The following ASCC3 variants were observed in gnomAD, a reference collection of about 807,000 sequenced individuals.
ASCC3 encodes the protein ASC-1 complex subunit P200.
A neutral mutation model predicts 256.3 loss-of-function variants in ASCC3; 158 were observed. The ratio of observed to expected loss-of-function variants is 0.62; its 90% CI spans 0.54 to 0.70. The LOEUF (loss-of-function observed/expected upper bound fraction) is 0.70, where lower values mean the gene tolerates loss of function less well. Ranked by LOEUF, ASCC3 falls within the 30% of genes least tolerant of loss-of-function variation. The pLI is 0.00. For synonymous variants in ASCC3, 948 were observed against 883.4 expected (o/e 1.07, Z -1.30); for missense variants, 2,259 against 2,626.0 (o/e 0.86, Z 3.05).
chr6:100,877,205 A>G (rs1774043272), intron 1 of ASCC3, among the ~76,000 whole-genome samples: 1 of 152,166 alleles, frequency 6.6e-6, no homozygotes, highest in African/African-American at 2.4e-5. Flanking sequence ...GTCAGCACTT[A>G]GTTACTGGCA....
intron 30 of ASCC3, among the ~76,000 whole-genome samples, chr6:100,623,834 C>T (rs914238427): frequency 6.6e-6 from 1 of 151,954 alleles, no homozygotes; most frequent in Non-Finnish European, 1.5e-5. Flanking sequence ...TACTAACAAA[C>T]TGGATTACAT....
intron 8 of ASCC3, among the ~76,000 whole-genome samples, chr6:100,789,789 G>C (rs1562298034): frequency 6.6e-6 from 1 of 151,896 alleles, no homozygotes; most frequent in Non-Finnish European, 1.5e-5. Context: ...AACAAAACAT[G>C]ATATTGTACC....
intron 36 of ASCC3, among the ~76,000 whole-genome samples, chr6:100,551,466 A>T (rs1769296070): frequency 7.9e-5 from 12 of 151,974 alleles, no homozygotes; most frequent in Admixed American, 7.9e-4. Flanking sequence ...AGGAGGGAAG[A>T]TAGGTTAAGA....
chr6:100,680,618 T>A (rs1777249751), intron 13 of ASCC3, among the ~76,000 whole-genome samples: 1 of 152,206 alleles, frequency 6.6e-6, no homozygotes, highest in Non-Finnish European at 1.5e-5. Context: ...TTTACATTGT[T>A]AACAATCTGG....
intron 36 of ASCC3, among the ~76,000 whole-genome samples, chr6:100,561,674 T>A (rs140190823): frequency 1.6e-3 from 243 of 152,282 alleles, no homozygotes; most frequent in African/African-American, 5.8e-3. Context: ...CAACACTTTC[T>A]ATGCTTTTAG....
chr6:100,766,844 T>A, intron 9 of ASCC3, 139 bp from the exon 10 acceptor site: 1 of 1,052,760 alleles, frequency 9.5e-7, no homozygotes, highest in Non-Finnish European at 1.4e-6. Context: ...AGTGATATAT[T>A]AAAAGTCTTA....
intron 36 of ASCC3, among the ~76,000 whole-genome samples, chr6:100,584,549 C>T (rs924568779): frequency 1.3e-5 from 2 of 152,140 alleles, no homozygotes; most frequent in East Asian, 1.9e-4. Context: ...ATTTGCCAGT[C>T]TGTCTCTTTA....
At chr6:100,570,113 A>G (rs1048184054) in intron 36 of ASCC3, among the ~76,000 whole-genome samples, 1 of 152,004 alleles carries the variant, frequency 6.6e-6, no homozygotes, top group African/African-American at 2.4e-5. Context: ...AATGTTACTG[A>G]TTTTTGTACA....
chr6:100,783,833 C>A (rs1782562252), intron 8 of ASCC3, among the ~76,000 whole-genome samples: 1 of 151,534 alleles, frequency 6.6e-6, no homozygotes, highest in African/African-American at 2.4e-5. Context: ...TATTTAGCAA[C>A]CATTTTTACT....
chr6:100,585,326 A>T (rs527951431), intron 36 of ASCC3, among the ~76,000 whole-genome samples: 1 of 151,902 alleles, frequency 6.6e-6, no homozygotes, highest in Non-Finnish European at 1.5e-5. Flanking sequence ...TCATTTCATT[A>T]ATTTCATCTT....
chr6:100,597,207 T>G (rs2114786941), intron 34 of ASCC3, among the ~76,000 whole-genome samples: 1 of 152,278 alleles, frequency 6.6e-6, no homozygotes, highest in Non-Finnish European at 1.5e-5. Context: ...CCTGTTTTCC[T>G]TCTAAACATC....
At chr6:100,610,765 A>G (rs76721759) in intron 30 of ASCC3, among the ~76,000 whole-genome samples, 4,606 of 152,210 alleles carry the variant, frequency 0.03, 78 homozygotes, top group African/African-American at 0.055. Flanking sequence ...GGACATGTAA[A>G]CTGACTATAA....
At chr6:100,670,319 T>A (rs972300184) in intron 14 of ASCC3, among the ~76,000 whole-genome samples, 1 of 151,900 alleles carries the variant, frequency 6.6e-6, no homozygotes, top group Non-Finnish European at 1.5e-5. Context: ...CATGGGGGAT[T>A]GATTCAACAA....
At chr6:100,729,775 G>A (rs540709846) in intron 10 of ASCC3, among the ~76,000 whole-genome samples, 1 of 152,110 alleles carries the variant, frequency 6.6e-6, no homozygotes, top group Admixed American at 6.6e-5. Flanking sequence ...AAATTTTAAA[G>A]ATAAAAGTAT....
intron 10 of ASCC3, among the ~76,000 whole-genome samples, chr6:100,732,203 A>G (rs1356141320): frequency 6.6e-6 from 1 of 151,944 alleles, no homozygotes; most frequent in Non-Finnish European, 1.5e-5. Context: ...ATGTATTGCA[A>G]TACCACACTA....
Position 100,528,918 on chromosome 6 carries a change from T to C in ASCC3, c.5776-10776A>G, listed in dbSNP as rs192704159. 4.6e-5 allele frequency among the ~76,000 whole-genome samples: 7 copies of C among 152,330 alleles called. No homozygotes were observed. The East Asian group carries it at 1.4e-3, about 29-fold the overall frequency. On this transcript the variant is annotated intron_variant, in intron 37 of 41. Transcript: ENST00000369162. ...CTTCCTCAATAGTAAAGAGGAGATA[T>C]CTGCTATCTTTTGGGGGAATTGGTA...
At chr6:100,608,044 AC>A (rs1380651962) in intron 30 of ASCC3, among the ~76,000 whole-genome samples, 1 of 134,486 alleles carries the variant, frequency 7.4e-6, no homozygotes, top group East Asian at 2.1e-4. Context: ...ATATATACAT[AC>A]ATATACATAT....
chr6:100,674,032 T>C (rs573258941), intron 14 of ASCC3, among the ~76,000 whole-genome samples: 1 of 152,318 alleles, frequency 6.6e-6, no homozygotes, highest in East Asian at 1.9e-4. Flanking sequence ...CTGAACTGTT[T>C]AATCTTGGTG....
In ASCC3 at chr6:100,864,074, T is replaced by C; in HGVS notation, c.231A>G (p.Ala77=). ...AAAAGAAAACTATACCTATCTGCTTTGCAGCATGTAATATATCTTTTAAGT... is the reference window on the plus strand; with the variant it reads ...AAAAGAAAACTATACCTATCTGCTTCGCAGCATGTAATATATCTTTTAAGT... The part of the protein sequence containing the change: ...NEDLKDILHA[A]KQIVGTDNGR... Residue 77 remains alanine, a synonymous_variant, in exon 3 of 42, where the codon GCA becomes GCG. Transcript: ENST00000369162. The C allele has an allele frequency of 1.3e-6, 2 of 1,578,030 alleles. No homozygotes were observed. Among genetic ancestry groups the C allele is most frequent in the Non-Finnish European group, 1.7e-6 (2 of 1,158,780 alleles).
Sources: allele counts gnomAD v4.1 joint callset (sites outside exome capture counted in the v4.1 genomes callset), GRCh38; gene constraint gnomAD v4.1.1; transcripts MANE v1.5; gene names NCBI Gene and HGNC (gene_info 2026-07-23, HGNC 2026-07-21).